Variants in KIF3B observed in about 807,000 individuals in gnomAD.
KIF3B encodes the protein kinesin-like protein KIF3B.
Under a neutral mutation model 74.3 loss-of-function variants are expected in KIF3B, and 38 were observed. The observed-to-expected ratio is 0.51, with a 90% confidence interval of 0.39 to 0.67. The LOEUF is 0.67. Ranked by LOEUF, KIF3B falls within the 30% of genes least tolerant of loss-of-function variation. The pLI, the probability that KIF3B is intolerant of heterozygous loss-of-function variation, is 0.00. For missense variants in KIF3B, 649 were observed against 932.0 expected, an observed-to-expected ratio of 0.70 and a Z score of 3.95; for synonymous variants, 326 against 342.5, an observed-to-expected ratio of 0.95 and a Z score of 0.53.
At chr20:32,316,506 G>A in intron 3 of KIF3B, 21 bp from the exon 4 acceptor site, 2 of 1,613,704 alleles carry the variant, frequency 1.2e-6, no homozygotes, top group East Asian at 2.2e-5. Flanking sequence ...GCAAGCTGAT[G>A]AATTTTGTCA....
chr20:32,318,541 A>G (rs1004762018), intron 5 of KIF3B, among the ~76,000 whole-genome samples: 1 of 152,120 alleles, frequency 6.6e-6, no homozygotes, highest in Non-Finnish European at 1.5e-5. Flanking sequence ...CATCTCATAT[A>G]AATGGAATCA....
intron 1 of KIF3B, among the ~76,000 whole-genome samples, chr20:32,298,107 C>CAA (rs140338606): frequency 2.7e-4 from 28 of 105,326 alleles, no homozygotes; most frequent in Admixed American, 5.0e-4. Flanking sequence ...AACTCCGTCT[C>CAA]AAAAAAAAAA....
chr20:32,289,054 G>A (rs2047679595), intron 1 of KIF3B, among the ~76,000 whole-genome samples: 1 of 152,130 alleles, frequency 6.6e-6, no homozygotes, highest in Admixed American at 6.6e-5. Flanking sequence ...TGAACCAGGT[G>A]GAATAGGAGG....
intron 2 of KIF3B, among the ~76,000 whole-genome samples, chr20:32,311,808 T>TC (rs1329273490): frequency 4.7e-5 from 7 of 149,796 alleles, no homozygotes; most frequent in African/African-American, 1.7e-4. Flanking sequence ...TTTTCTTTTT[T>TC]TTTTTTTTTT....
intron 1 of KIF3B, among the ~76,000 whole-genome samples, chr20:32,294,273 A>C (rs550915114): frequency 1.3e-5 from 2 of 152,308 alleles, no homozygotes; most frequent in South Asian, 4.1e-4. Context: ...ATCAAATGAC[A>C]GAGAGTACAT....
chr20:32,296,095 C>T (rs1472081286), intron 1 of KIF3B, among the ~76,000 whole-genome samples: 1 of 150,734 alleles, frequency 6.6e-6, no homozygotes, highest in Non-Finnish European at 1.5e-5. Context: ...GATCTCTTGA[C>T]CTTGTGATCC....
chr20:32,299,885 C>T (rs546117856), intron 1 of KIF3B, among the ~76,000 whole-genome samples: 1 of 151,812 alleles, frequency 6.6e-6, no homozygotes, highest in Admixed American at 6.6e-5. Flanking sequence ...ACCTCCTGGG[C>T]TTAAGCAATC....
chr20:32,300,921 A>G (rs148510252), intron 1 of KIF3B, among the ~76,000 whole-genome samples: 2 of 152,152 alleles, frequency 1.3e-5, no homozygotes, highest in African/African-American at 4.8e-5. Context: ...GCTGGAGTGC[A>G]GTGGTGCAAT....
chr20:32,298,646 A>G (rs2047727465), intron 1 of KIF3B, among the ~76,000 whole-genome samples: 1 of 151,818 alleles, frequency 6.6e-6, no homozygotes, highest in Non-Finnish European at 1.5e-5. Flanking sequence ...ATTGTTATAT[A>G]TCCTTCTATC....
chr20:32,331,585 A>G lies in KIF3B; in HGVS notation c.*266A>G. 2.2e-6 allele frequency: 1 copy of G among 459,946 alleles called. No homozygotes were observed. Among genetic ancestry groups the G allele is most frequent in the Non-Finnish European group, 3.8e-6 (1 of 262,384 alleles). The allele number at this position is 459,946 out of a possible 1,614,324, so 28.5% of individuals were successfully genotyped here. A position where few individuals can be genotyped will look rare whatever the true frequency, so the allele number is the denominator to read the frequency against. ...CGATAGTTCAAGTGGAAAGCAAGAG[A>G]ATGACCAGTGACCTTGCTTCCTTCC... is the stretch of plus-strand genomic sequence containing the variant. On this transcript the variant is annotated 3_prime_UTR_variant, in exon 9 of 9. Transcript: ENST00000375712.
At chr20:32,308,346 C>T (rs2047782462) in intron 1 of KIF3B, among the ~76,000 whole-genome samples, 1 of 152,210 alleles carries the variant, frequency 6.6e-6, no homozygotes, top group South Asian at 2.1e-4. Context: ...TCCTCAGCCT[C>T]CTGAGTAGCT....
At chr20:32,325,884 T>C (rs1325025837) in intron 5 of KIF3B, among the ~76,000 whole-genome samples, 5 of 151,944 alleles carry the variant, frequency 3.3e-5, no homozygotes, top group African/African-American at 4.8e-5. Flanking sequence ...GCCAGGCTGT[T>C]CTCGAACTCC....
At chr20:32,284,196 C>T (rs2047657171) in intron 1 of KIF3B, among the ~76,000 whole-genome samples, 1 of 152,168 alleles carries the variant, frequency 6.6e-6, no homozygotes, top group Non-Finnish European at 1.5e-5. Flanking sequence ...GCCTCAGCCT[C>T]CCAAAGTGCT....
intron 1 of KIF3B, among the ~76,000 whole-genome samples, chr20:32,283,943 TCTCA>T (rs1419544286): frequency 6.6e-6 from 1 of 151,802 alleles, no homozygotes; most frequent in Non-Finnish European, 1.5e-5. Flanking sequence ...GAAAACTTGG[TCTCA>T]CTCTGTTGCC....
chr20:32,296,946 G>A (rs189250507), intron 1 of KIF3B, among the ~76,000 whole-genome samples: 24 of 152,134 alleles, frequency 1.6e-4, no homozygotes, highest in Non-Finnish European at 2.9e-4. Context: ...TTGCAAACAC[G>A]GAGTCCTGAT....
rs2047937530 is a variant in KIF3B, at chr20:32,333,043, G to A, written c.*1724G>A. On this transcript the variant is annotated 3_prime_UTR_variant, in exon 9 of 9. Transcript: ENST00000375712. The stretch of plus-strand genomic sequence containing the variant: ...GGAAACAGGAGGTACTAAGTGCAAT[G>A]TCTTAGCATTCTGCAAAATGGAGAT... 2 of 152,642 alleles carry A rather than the reference G, an allele frequency of 1.3e-5. No individual in the cohort carries two copies. Among genetic ancestry groups the A allele is most frequent in the Admixed American group, 6.5e-5 (1 of 15,284 alleles). 9.5% of individuals were successfully genotyped at this position (152,642 alleles called of 1,614,324 possible). A position where few individuals can be genotyped will look rare whatever the true frequency, so the allele number is the denominator to read the frequency against.
At chr20:32,278,744 A>C (rs1352094218) in intron 1 of KIF3B, among the ~76,000 whole-genome samples, 1 of 152,160 alleles carries the variant, frequency 6.6e-6, no homozygotes, top group Non-Finnish European at 1.5e-5. Context: ...TCCTTTGGGA[A>C]GTGCTTAAAG....
At chr20:32,291,673 T>C (rs1189050793) in intron 1 of KIF3B, among the ~76,000 whole-genome samples, 2 of 151,116 alleles carry the variant, frequency 1.3e-5, no homozygotes, top group Non-Finnish European at 1.5e-5. Context: ...TGGAGTGCAG[T>C]GGTGCGATCT....
At chr20:32,312,036 C>T (rs1011495656) in intron 2 of KIF3B, among the ~76,000 whole-genome samples, 4 of 151,788 alleles carry the variant, frequency 2.6e-5, no homozygotes, top group African/African-American at 9.7e-5. Flanking sequence ...CTCCTGACCT[C>T]AGGTAATCTG....
Sources: gnomAD v4.1 joint callset for allele counts (sites outside exome capture counted in the v4.1 genomes callset) on GRCh38, gnomAD v4.1.1 for gene constraint, MANE v1.5 for transcripts, NCBI Gene and HGNC (gene_info 2026-07-23, HGNC 2026-07-21) for gene names.